SNX29: variants seen among roughly 807,000 people sequenced by gnomAD.
SNX29 encodes sorting nexin-29.
Under a neutral mutation model 102.1 loss-of-function variants are expected in SNX29, and 78 were observed. That is an observed-to-expected ratio of 0.76 (90% CI 0.64 to 0.92). SNX29 has a LOEUF of 0.92. Among genes scored for constraint, SNX29 ranks in the 40% least tolerant of loss-of-function variants. The pLI is 0.00. For synonymous variants in SNX29, 580 were observed against 414.5 expected, an observed-to-expected ratio of 1.40 and a Z score of -4.85; for missense variants, 1,280 against 1,061.7, an observed-to-expected ratio of 1.21 and a Z score of -2.86.
At chr16:12,229,438 C>T (rs565391203) in intron 14 of SNX29, among the ~76,000 whole-genome samples, 6 of 152,308 alleles carry the variant, frequency 3.9e-5, no homozygotes, top group African/African-American at 9.6e-5. Context: ...AGAGTGGTTT[C>T]ATCTCCCTGA....
At chr16:12,315,393 G>A (rs1286073877) in intron 15 of SNX29, among the ~76,000 whole-genome samples, 3 of 152,162 alleles carry the variant, frequency 2.0e-5, no homozygotes, top group African/African-American at 7.2e-5. Context: ...TGTCATTCCA[G>A]GAAAGCAGCC....
intron 18 of SNX29, among the ~76,000 whole-genome samples, chr16:12,414,549 G>T (rs2084544816): frequency 6.6e-6 from 1 of 152,168 alleles, no homozygotes; most frequent in Non-Finnish European, 1.5e-5. Flanking sequence ...ACTGATCTGT[G>T]ATTCCCCCGG....
intron 18 of SNX29, among the ~76,000 whole-genome samples, chr16:12,431,063 G>T (rs1049064839): frequency 2.6e-5 from 4 of 152,118 alleles, no homozygotes; most frequent in African/African-American, 9.7e-5. Context: ...TGTTGGTCAG[G>T]CTGGTCTCGA....
intron 3 of SNX29, among the ~76,000 whole-genome samples, chr16:12,013,500 A>AAATATATATATATAT: frequency 3.8e-4 from 12 of 31,618 alleles, no homozygotes; most frequent in African/African-American, 1.1e-3. Flanking sequence ...AAAAAAAAAA[A>AAATATATATATATAT]ATATATATAT....
At chr16:12,497,305 T>C (rs1217785006) in intron 19 of SNX29, among the ~76,000 whole-genome samples, 1 of 152,238 alleles carries the variant, frequency 6.6e-6, no homozygotes, top group Non-Finnish European at 1.5e-5. Context: ...TGAATATCTA[T>C]CATACACCAA....
chr16:12,418,884 G>T (rs1007017325), intron 18 of SNX29, among the ~76,000 whole-genome samples: 1 of 152,160 alleles, frequency 6.6e-6, no homozygotes, highest in Non-Finnish European at 1.5e-5. Context: ...AGTCAGCCCA[G>T]AAGTCCCCTT....
intron 14 of SNX29, among the ~76,000 whole-genome samples, chr16:12,216,834 G>T (rs1467140894): frequency 2.6e-5 from 4 of 151,312 alleles, no homozygotes; most frequent in African/African-American, 9.7e-5. Flanking sequence ...CATTTCTAGT[G>T]CTGAGTCTTC....
intron 13 of SNX29, among the ~76,000 whole-genome samples, chr16:12,194,016 A>G (rs1236141938): frequency 1.3e-5 from 2 of 152,192 alleles, no homozygotes; most frequent in Non-Finnish European, 2.9e-5. Context: ...GCTAGTCTAT[A>G]TCTATAAGAA....
At chr16:11,997,473 A>T (rs78297774) in intron 1 of SNX29, among the ~76,000 whole-genome samples, 5 of 147,812 alleles carry the variant, frequency 3.4e-5, no homozygotes, top group African/African-American at 9.9e-5. Flanking sequence ...ATTAGTTTAC[A>T]TTTATACTTT....
chr16:12,480,723 C>T (rs1189230386), intron 19 of SNX29, among the ~76,000 whole-genome samples: 1 of 152,192 alleles, frequency 6.6e-6, no homozygotes, highest in Non-Finnish European at 1.5e-5. Flanking sequence ...AAATAAATCT[C>T]ATCAGTCCTG....
chr16:12,445,854 C>G (rs569478708), intron 18 of SNX29, among the ~76,000 whole-genome samples: 35 of 152,234 alleles, frequency 2.3e-4, no homozygotes, highest in Non-Finnish European at 5.1e-4. Flanking sequence ...TGCTGCTGCC[C>G]CCATTCTACA....
intron 11 of SNX29, among the ~76,000 whole-genome samples, chr16:12,097,499 G>A (rs2052817506): frequency 6.6e-6 from 1 of 152,114 alleles, no homozygotes; most frequent in South Asian, 2.1e-4. Flanking sequence ...GAGTACACAA[G>A]GTCTCAGTAT....
chr16:12,259,189 CA>C (rs2078660398), intron 14 of SNX29, among the ~76,000 whole-genome samples: 2 of 152,160 alleles, frequency 1.3e-5, no homozygotes, highest in African/African-American at 2.4e-5. Flanking sequence ...TCTGGTTTGT[CA>C]TTTATTATAT....
At chr16:12,489,792 T>C (rs2088448395) in intron 19 of SNX29, among the ~76,000 whole-genome samples, 1 of 152,166 alleles carries the variant, frequency 6.6e-6, no homozygotes, top group Non-Finnish European at 1.5e-5. Context: ...TCTCTACTTC[T>C]TGTTGTGGGT....
At chr16:12,483,868 T>C (rs2088095384) in intron 19 of SNX29, among the ~76,000 whole-genome samples, 1 of 152,208 alleles carries the variant, frequency 6.6e-6, no homozygotes, top group Non-Finnish European at 1.5e-5. Context: ...CTGGAAGTGA[T>C]ACATGGAAAT....
intron 14 of SNX29, among the ~76,000 whole-genome samples, chr16:12,273,077 G>T (rs1471480182): frequency 1.3e-5 from 2 of 152,052 alleles, no homozygotes; most frequent in Non-Finnish European, 2.9e-5. Flanking sequence ...TGATTTCTCT[G>T]GTGTTAATAC....
At chr16:11,995,981 A>G (rs1261501039) in intron 1 of SNX29, among the ~76,000 whole-genome samples, 1 of 150,734 alleles carries the variant, frequency 6.6e-6, no homozygotes, top group Non-Finnish European at 1.5e-5. Context: ...AATTGCTTGA[A>G]CCTGGGAGGT....
At chr16:12,431,805 A>G (rs2085328418) in intron 18 of SNX29, among the ~76,000 whole-genome samples, 1 of 152,244 alleles carries the variant, frequency 6.6e-6, no homozygotes, top group Admixed American at 6.5e-5. Flanking sequence ...GGTAATGCTC[A>G]CGACATAGCT....
At chr16:12,232,628 C>T (rs1478113296) in intron 14 of SNX29, among the ~76,000 whole-genome samples, 1 of 152,124 alleles carries the variant, frequency 6.6e-6, no homozygotes, top group African/African-American at 2.4e-5. Context: ...GTAGTGGAAA[C>T]GTTGGGGAAT....
Sources: gnomAD v4.1 joint callset for allele counts (sites outside exome capture counted in the v4.1 genomes callset) on GRCh38, gnomAD v4.1.1 for gene constraint, MANE v1.5 for transcripts, NCBI Gene and HGNC (gene_info 2026-07-23, HGNC 2026-07-21) for gene names.